Variants in FAM163A observed in about 807,000 individuals in gnomAD.
FAM163A encodes the protein family with sequence similarity 163 member A, also known as protein FAM163A.
Under a neutral mutation model 12.0 loss-of-function variants are expected in FAM163A, and 7 were observed. The observed-to-expected ratio is 0.58, with a 90% CI of 0.33 to 1.10. The LOEUF (loss-of-function observed/expected upper bound fraction) is 1.10, where lower values mean the gene tolerates loss of function less well. FAM163A is among the 50% of genes least tolerant of loss of function. The pLI is 0.03. For missense variants in FAM163A, 202 were observed against 218.6 expected, an observed-to-expected ratio of 0.92 and a Z score of 0.48; for synonymous variants, 101 against 91.0, an observed-to-expected ratio of 1.11 and a Z score of -0.62.
chr1:179,754,490 G>T (rs1226613476), intron 1 of FAM163A, among the ~76,000 whole-genome samples: 2 of 152,052 alleles, frequency 1.3e-5, no homozygotes, highest in Non-Finnish European at 2.9e-5. Context: ...TGCTGGAAGT[G>T]CAGGAGAAAG....
At chr1:179,755,136 CAAAAAA>C (rs35201060) in intron 1 of FAM163A, among the ~76,000 whole-genome samples, 8 of 109,444 alleles carry the variant, frequency 7.3e-5, no homozygotes, top group Non-Finnish European at 1.5e-4. Flanking sequence ...GACTCTGCCT[CAAAAAA>C]AAAAAAAAAA....
the FAM163A span, among the ~76,000 whole-genome samples, chr1:179,737,992 G>A: frequency 5.3e-5 from 8 of 152,326 alleles, no homozygotes; most frequent in Admixed American, 4.6e-4. Context: ...GGATGAGCTT[G>A]GAGGACATTA....
intron 1 of FAM163A, among the ~76,000 whole-genome samples, chr1:179,782,842 T>C (rs541091443): frequency 0.011 from 1,629 of 152,316 alleles, 23 homozygotes; most frequent in African/African-American, 0.037. Context: ...AATCCAGACC[T>C]CCCACCCCTG....
chr1:179,749,696 A>T (rs1454580089), intron 1 of FAM163A, among the ~76,000 whole-genome samples: 6 of 39,838 alleles, frequency 1.5e-4, no homozygotes, highest in Non-Finnish European at 2.3e-4. Context: ...CACCTCTACT[A>T]AATATACAAA....
At chr1:179,762,290 G>T (rs1418520273) in intron 1 of FAM163A, among the ~76,000 whole-genome samples, 3 of 152,206 alleles carry the variant, frequency 2.0e-5, no homozygotes, top group Non-Finnish European at 4.4e-5. Context: ...TTTATAAGTA[G>T]ATGCCTGTAA....
At chr1:179,771,297 T>C (rs34000081) in intron 1 of FAM163A, among the ~76,000 whole-genome samples, 41,412 of 151,850 alleles carry the variant, frequency 0.27, 6,297 homozygotes, top group African/African-American at 0.39. Flanking sequence ...ACCCACAGAG[T>C]CCCACCCAGC....
chr1:179,801,677 T>G (rs1693201200), intron 1 of FAM163A, among the ~76,000 whole-genome samples: 1 of 152,158 alleles, frequency 6.6e-6, no homozygotes, highest in African/African-American at 2.4e-5. Flanking sequence ...GGGTTTAAAC[T>G]CAAGTCTTGG....
upstream of FAM163A, among the ~76,000 whole-genome samples, chr1:179,741,222 G>T (rs1035035391): frequency 1.3e-5 from 2 of 152,200 alleles, no homozygotes; most frequent in Admixed American, 6.5e-5. Context: ...ATGAAACGAA[G>T]ATCACAGTGA....
chr1:179,771,803 C>T (rs1688329081), intron 1 of FAM163A, among the ~76,000 whole-genome samples: 1 of 152,090 alleles, frequency 6.6e-6, no homozygotes, highest in Non-Finnish European at 1.5e-5. Flanking sequence ...CCTCAGTCAT[C>T]TGCTTGGCCT....
At chr1:179,729,779 T>C in the FAM163A span, among the ~76,000 whole-genome samples, 1 of 152,234 alleles carries the variant, frequency 6.6e-6, no homozygotes, top group Non-Finnish European at 1.5e-5. Flanking sequence ...TCTGTCCTCT[T>C]TTCCCACTCT....
chr1:179,780,856 A>G (rs987349388), intron 1 of FAM163A, among the ~76,000 whole-genome samples: 2 of 152,230 alleles, frequency 1.3e-5, no homozygotes, highest in African/African-American at 2.4e-5. Flanking sequence ...CCAGAGCTGT[A>G]TTACCAGACT....
intron 1 of FAM163A, among the ~76,000 whole-genome samples, chr1:179,788,113 C>G (rs533782961): frequency 1.2e-4 from 19 of 152,314 alleles, no homozygotes; most frequent in African/African-American, 4.1e-4. Flanking sequence ...CAACCACCAC[C>G]TAATCACTTC....
At chr1:179,735,206 T>C in the FAM163A span, among the ~76,000 whole-genome samples, 1 of 152,164 alleles carries the variant, frequency 6.6e-6, no homozygotes, top group Admixed American at 6.5e-5. Context: ...ATTAAATAAT[T>C]CAGACCCATA....
Position 179,813,806 on chromosome 1 carries a change from G to C in FAM163A, c.121G>C (p.Glu41Gln), listed in dbSNP as rs771354009. The change falls in exon 5 of 5, where the codon GAG becomes CAG. Residue 41 changes from glutamate to glutamine, a missense_variant. Coordinates refer to ENST00000341785, the MANE Select transcript of FAM163A (RefSeq NM_173509.3). ...QYYCCKKSGT[E>Q]VADEEEEREH... ...TTACTGCTGCAAGAAGAGCGGAACCGAGGTTGCAGACGAGGAGGAGGAGCG... is the reference window on the plus strand; with the variant it reads ...TTACTGCTGCAAGAAGAGCGGAACCCAGGTTGCAGACGAGGAGGAGGAGCG... 2 of 1,613,974 alleles carry C rather than the reference G, an allele frequency of 1.2e-6. No homozygotes were observed. The highest frequency in any genetic ancestry group is 1.7e-6 in the Non-Finnish European group (2 of 1,180,020).
intron 1 of FAM163A, among the ~76,000 whole-genome samples, chr1:179,771,128 C>A (rs935534940): frequency 1.2e-4 from 18 of 152,152 alleles, no homozygotes; most frequent in African/African-American, 4.3e-4. Context: ...GCCACTACCA[C>A]CCCACCCCAT....
chr1:179,755,233 T>C (rs549867347), intron 1 of FAM163A, among the ~76,000 whole-genome samples: 4 of 150,528 alleles, frequency 2.7e-5, no homozygotes, highest in South Asian at 4.2e-4. Context: ...AGAATGGGGA[T>C]GGAGGATGGG....
intron 1 of FAM163A, among the ~76,000 whole-genome samples, chr1:179,770,894 G>A (rs73039658): frequency 0.022 from 3,352 of 152,204 alleles, 135 homozygotes; most frequent in African/African-American, 0.077. Flanking sequence ...TTGCAAGAAA[G>A]GAAAAAGTAC....
intron 1 of FAM163A, among the ~76,000 whole-genome samples, chr1:179,779,825 C>T (rs1400227030): frequency 6.6e-6 from 1 of 152,172 alleles, no homozygotes; most frequent in East Asian, 1.9e-4. Flanking sequence ...GGTTAGAGGC[C>T]TGGCTTCACC....
At chr1:179,739,083 A>G (rs929207924), upstream of FAM163A, among the ~76,000 whole-genome samples, 7 of 152,196 alleles carry the variant, frequency 4.6e-5, no homozygotes, top group Non-Finnish European at 8.8e-5. Flanking sequence ...ATGATGCCAG[A>G]GCAACTGGAC....
Sources: gnomAD v4.1 joint callset for allele counts (sites outside exome capture counted in the v4.1 genomes callset) on GRCh38, gnomAD v4.1.1 for gene constraint, MANE v1.5 for transcripts, NCBI Gene and HGNC (gene_info 2026-07-23, HGNC 2026-07-21) for gene names.